Variants in FANCI observed in about 807,000 individuals in gnomAD.
The protein encoded by FANCI is FA complementation group I.
Under a neutral mutation model 176.1 loss-of-function variants are expected in FANCI, and 156 were observed. The ratio of observed to expected loss-of-function variants is 0.89; its 90% confidence interval spans 0.78 to 1.01. The LOEUF is 1.01. Ranked by LOEUF, FANCI falls within the 50% of genes least tolerant of loss-of-function variation. The probability of loss-of-function intolerance (pLI) is 0.00; values close to 1 mark genes in which losing one functional copy is unlikely to be tolerated. For missense variants in FANCI, 1,678 were observed against 1,534.1 expected (o/e 1.09, Z -1.57); for synonymous variants, 613 against 541.7 (o/e 1.13, Z -1.83).
chr15:89,258,405 A>T (rs543761088), intron 2 of FANCI, among the ~76,000 whole-genome samples: 1 of 152,284 alleles, frequency 6.6e-6, no homozygotes, highest in Admixed American at 6.5e-5. Flanking sequence ...TCATCTTTAT[A>T]ACATGCCTAA....
Position 89,317,007 on chromosome 15 carries a change from A to G in FANCI, c.*548A>G. 1.6e-6 allele frequency: 1 copy of G among 625,308 alleles called. No homozygotes were observed. The highest frequency in any genetic ancestry group is 2.8e-5 in the East Asian group (1 of 36,102). The allele number at this position is 625,308 out of a possible 1,614,324, so 38.7% of individuals were successfully genotyped here. On this transcript the variant is annotated 3_prime_UTR_variant, in exon 38 of 38. Coordinates refer to ENST00000310775, the MANE Select transcript of FANCI (RefSeq NM_001113378.2). ...TTTTCTTTTTATATAAGTGTGTCTT[A>G]GATATATTTTAAATAGAAAATAAGC...
At chr15:89,246,896 G>A (rs941192084) in intron 1 of FANCI, among the ~76,000 whole-genome samples, 1 of 150,262 alleles carries the variant, frequency 6.7e-6, no homozygotes, top group African/African-American at 2.4e-5. Context: ...CTCCCGAGTA[G>A]CTGGGACTAT....
intron 16 of FANCI, chr15:89,282,877 C>G (rs2053668885): frequency 6.5e-6 from 3 of 465,044 alleles, no homozygotes; most frequent in East Asian, 4.2e-5. Context: ...TCTTATTCCT[C>G]ACATAGACTT....
chr15:89,296,154 AG>A (rs1229695249), intron 24 of FANCI, among the ~76,000 whole-genome samples: 9 of 152,046 alleles, frequency 5.9e-5, no homozygotes. Flanking sequence ...TAGTAGAGAC[AG>A]GGTTTCACCA....
chr15:89,272,583 A>C (rs181275357), intron 10 of FANCI, among the ~76,000 whole-genome samples: 4 of 152,116 alleles, frequency 2.6e-5, no homozygotes, highest in Non-Finnish European at 5.9e-5. Flanking sequence ...AAATTTTTCT[A>C]TATGTTTTCC....
chr15:89,263,448 C>A lies in FANCI; in HGVS notation c.533C>A (p.Thr178Asn). The A allele has an allele frequency of 6.2e-7, 1 of 1,612,646 alleles. No homozygotes were observed. The highest frequency in any genetic ancestry group is 8.5e-7 in the Non-Finnish European group (1 of 1,178,884). ...GATCAGCAATATGTAATCCAACTCACCTCCATGTTCAAGTAAGCATCATCT... is the reference window on the plus strand; with the variant it reads ...GATCAGCAATATGTAATCCAACTCAACTCCATGTTCAAGTAAGCATCATCT... ...RWDQQYVIQL[T>N]SMFKDVPLTA... Residue 178 changes from threonine to asparagine, a missense_variant, in exon 7 of 38, where the codon ACC (threonine) becomes AAC (asparagine). Physicochemically the swap from Thr to Asn is moderately conservative, Grantham distance 65. Coordinates refer to ENST00000310775, the MANE Select transcript of FANCI (RefSeq NM_001113378.2).
At chr15:89,273,515 A>C (rs756052900) in intron 11 of FANCI, 46 bp downstream of exon 11, 33 of 665,696 alleles carry the variant, frequency 5.0e-5, no homozygotes, top group African/African-American at 4.3e-4. Context: ...AGTTGGTAAA[A>C]AAAAAAAAAA....
chr15:89,305,408 G>A lies in FANCI; in HGVS notation c.3254G>A (p.Cys1085Tyr), dbSNP rs533779983. The change falls in exon 30 of 38, where the codon TGT becomes TAT. Residue 1085 changes from cysteine (C) to tyrosine (Y), a missense_variant and splice_region_variant. Physicochemically the swap from Cys to Tyr is radical, Grantham distance 194. Transcript: ENST00000310775. ...TTGAGAACGGCTGCCCCCACTGTCT[G>A]TGTAAGTGTTGTACCTGAGCCATGG... ...VNLRTAAPTV[C>Y]LLVLSQAEKV... is the part of the protein sequence containing the mutation. The A allele has an allele frequency of 2.5e-6, 4 of 1,613,436 alleles. No individual in the cohort carries two copies. Among genetic ancestry groups the A allele is most frequent in the African/African-American group, 2.7e-5 (2 of 75,034 alleles).
intron 9 of FANCI, among the ~76,000 whole-genome samples, chr15:89,265,726 T>C (rs953441804): frequency 1.3e-5 from 2 of 151,972 alleles, no homozygotes; most frequent in Admixed American, 6.6e-5. Flanking sequence ...GGTTTCACCA[T>C]GTTGGCCAGG....
At chr15:89,304,319 T>C (rs2054633031) in intron 28 of FANCI, among the ~76,000 whole-genome samples, 1 of 152,228 alleles carries the variant, frequency 6.6e-6, no homozygotes, top group Admixed American at 6.5e-5. Flanking sequence ...TGGAATCCTA[T>C]ACAGCAAATA....
chr15:89,274,070 T>TATA, intron 11 of FANCI, 98 bp from the exon 12 acceptor site: 1 of 921,860 alleles, frequency 1.1e-6, no homozygotes, highest in South Asian at 1.6e-5. Flanking sequence ...GCATGAGCTA[T>TATA]ATAATATTTG....
At chr15:89,311,291 T>C (rs1596333932) in intron 34 of FANCI, among the ~76,000 whole-genome samples, 1 of 148,996 alleles carries the variant, frequency 6.7e-6, no homozygotes, top group Non-Finnish European at 1.5e-5. Flanking sequence ...TGGTAGTGCG[T>C]GCCTGTAATC....
intron 2 of FANCI, among the ~76,000 whole-genome samples, chr15:89,255,133 T>G (rs2052437212): frequency 6.6e-6 from 1 of 152,198 alleles, no homozygotes; most frequent in African/African-American, 2.4e-5. Flanking sequence ...TTCTCAGTCT[T>G]TCCTTATCTC....
At position 89,317,061 on chromosome 15, in the gene FANCI, GCA is replaced by G. The variant is rs1164101054; in HGVS notation, c.*605_*606del. 1.7e-5 allele frequency: 10 copies of G among 591,672 alleles called. No individual in the cohort carries two copies. Among genetic ancestry groups the G allele is most frequent in the Admixed American group, 6.0e-5 (2 of 33,562 alleles). The allele number at this position is 591,672 out of a possible 1,614,324, so 36.7% of individuals were successfully genotyped here. A position where few individuals can be genotyped will look rare whatever the true frequency, so the allele number is the denominator to read the frequency against. ...CTGATTTACTTGTTTGGTATTTAAA[GCA>G]CAGTTTGTTTTTCTGTCACCTATAG... is the stretch of plus-strand genomic sequence containing the variant. On this transcript the variant is annotated 3_prime_UTR_variant, in exon 38 of 38. Transcript: ENST00000310775.
At chr15:89,285,311 A>C (rs182016717) in intron 18 of FANCI, 93 bp downstream of exon 18, 2 of 1,507,684 alleles carry the variant, frequency 1.3e-6, no homozygotes, top group African/African-American at 1.4e-5. Context: ...TACAATAGCT[A>C]TGCTCTTACT....
At chr15:89,312,768 G>A (rs2151988581) in intron 34 of FANCI, 136 bp from the exon 35 acceptor site, 3 of 682,708 alleles carry the variant, frequency 4.4e-6, no homozygotes, top group East Asian at 5.4e-5. Flanking sequence ...ACAGTGGGTC[G>A]ACATCACGCC....
intron 11 of FANCI, among the ~76,000 whole-genome samples, chr15:89,273,856 T>C (rs1055862181): frequency 1.3e-5 from 2 of 152,212 alleles, no homozygotes; most frequent in Non-Finnish European, 2.9e-5. Context: ...TTTTTTCTTA[T>C]ATGTGTTCCA....
At chr15:89,311,677 C>G (rs1046982580) in intron 34 of FANCI, among the ~76,000 whole-genome samples, 3 of 152,230 alleles carry the variant, frequency 2.0e-5, no homozygotes, top group Non-Finnish European at 4.4e-5. Context: ...ATACCAGCCC[C>G]TCTGGAATGT....
At chr15:89,293,215 T>A in intron 22 of FANCI, 152 bp downstream of exon 22, 1 of 849,184 alleles carries the variant, frequency 1.2e-6, no homozygotes, top group East Asian at 2.7e-5. Context: ...AACTGTGTTC[T>A]TTCCACTAGA....
Sources: gnomAD v4.1 joint callset for allele counts (sites outside exome capture counted in the v4.1 genomes callset) on GRCh38, gnomAD v4.1.1 for gene constraint, MANE v1.5 for transcripts, NCBI Gene and HGNC (gene_info 2026-07-23, HGNC 2026-07-21) for gene names.